The following NLRC5 variants were observed in gnomAD, a reference collection of about 807,000 sequenced individuals.
NLRC5 encodes the protein NLR family CARD domain containing 5.
Under a neutral mutation model 206.9 loss-of-function variants are expected in NLRC5, and 114 were observed. That is an observed-to-expected ratio of 0.55 (90% CI 0.47 to 0.64). The LOEUF is 0.64. Among genes scored for constraint, NLRC5 ranks in the 30% least tolerant of loss-of-function variants. NLRC5 has a pLI of 0.00. For missense variants in NLRC5, 2,008 were observed against 2,305.5 expected (o/e 0.87, Z 2.64); for synonymous variants, 952 against 962.8 (o/e 0.99, Z 0.21).
chr16:57,000,274 C>A (rs1428348599), intron 1 of NLRC5, among the ~76,000 whole-genome samples: 1 of 152,134 alleles, frequency 6.6e-6, no homozygotes. Context: ...AGTAGGGCAC[C>A]CCAGTCCTGG....
chr16:57,066,455 G>A, intron 33 of NLRC5, 79 bp from the exon 34 acceptor site: 1 of 1,234,878 alleles, frequency 8.1e-7, no homozygotes, highest in Admixed American at 1.7e-5. Context: ...TTCAGAGTTG[G>A]AGCCGGGCAG....
intron 33 of NLRC5, 130 bp downstream of exon 33, chr16:57,065,428 C>G: frequency 1.9e-6 from 1 of 535,324 alleles, no homozygotes; most frequent in Admixed American, 4.1e-5. Context: ...CCCAGGGTAG[C>G]AGGAGCTCCT....
rs1395303643 is a variant in NLRC5 at position 57,074,609 on chromosome 16, CCTT to C, written c.4680_4682del (p.Leu1562del). The C allele has an allele frequency of 6.2e-7, 1 of 1,613,836 alleles. No homozygotes were observed. Among genetic ancestry groups the C allele is most frequent in the African/African-American group, 1.3e-5 (1 of 74,930 alleles). The stretch of plus-strand genomic sequence containing the variant: ...GCCTCCTCTTCTCCAGCCTCAGTCA[CCTT>C]CTGCTGAACAGCTCCACCTTGGCCT... On this transcript the variant is annotated inframe_deletion, in exon 39 of 49. Coordinates refer to ENST00000688547, the MANE Select transcript of NLRC5 (RefSeq NM_001384950.1).
At chr16:56,994,131 A>G (rs544989105) in intron 1 of NLRC5, among the ~76,000 whole-genome samples, 8 of 144,908 alleles carry the variant, frequency 5.5e-5, no homozygotes, top group Non-Finnish European at 7.6e-5. Flanking sequence ...TTGGGTGGGA[A>G]GAGAGTGCTT....
At chr16:57,041,085 C>CA (rs147590262) in intron 17 of NLRC5, among the ~76,000 whole-genome samples, 1 of 152,302 alleles carries the variant, frequency 6.6e-6, no homozygotes, top group African/African-American at 2.4e-5. Context: ...CACTCTTCCC[C>CA]CCTTCTCTCT....
chr16:57,014,007 T>C, intron 1 of NLRC5: 1 of 355,968 alleles, frequency 2.8e-6, no homozygotes, highest in Middle Eastern at 1.0e-3. Context: ...TGTACCAGTT[T>C]CTTGACAGAT....
At chr16:57,027,924 T>C (rs2143003144) in intron 6 of NLRC5, 148 bp from the exon 7 acceptor site, 1 of 548,686 alleles carries the variant, frequency 1.8e-6, no homozygotes, top group South Asian at 2.8e-5. Flanking sequence ...AAGTGGAGAA[T>C]GGGCTTTGGT....
intron 8 of NLRC5, among the ~76,000 whole-genome samples, chr16:57,028,712 A>G (rs1320014661): frequency 6.6e-6 from 1 of 152,216 alleles, no homozygotes; most frequent in East Asian, 1.9e-4. Context: ...ACACATAACT[A>G]CATGAAGCAC....
At position 57,058,093 on chromosome 16, in the gene NLRC5, G is replaced by A. The variant is rs144677515; in HGVS notation, c.3775G>A (p.Gly1259Arg). 26 of 1,612,444 alleles carry A rather than the reference G, an allele frequency of 1.6e-5. No homozygotes were observed. The highest frequency in any genetic ancestry group is 8.0e-5 in the African/African-American group (6 of 74,878). ...DLSANLLGDS[G>R]LRCLLECLPQ... ...CTCAGCAAACCTGCTGGGCGACAGC[G>A]GACTCAGATGCCTTCTGGAATGTCT... Residue 1259 changes from glycine to arginine, a missense_variant, in exon 28 of 49, where the codon GGA (glycine) becomes AGA (arginine). Physicochemically the swap from Gly to Arg is moderately radical, Grantham distance 125. Coordinates refer to ENST00000688547, the MANE Select transcript of NLRC5 (RefSeq NM_001384950.1).
At chr16:57,061,758 G>A in intron 32 of NLRC5, 57 bp downstream of exon 32, 5 of 1,574,558 alleles carry the variant, frequency 3.2e-6, no homozygotes, top group Non-Finnish European at 4.3e-6. Context: ...GAGCAGGGGT[G>A]GGCACTGGAG....
chr16:57,029,924 C>T, intron 9 of NLRC5, 68 bp downstream of exon 9: 1 of 1,607,508 alleles, frequency 6.2e-7, no homozygotes, highest in Non-Finnish European at 8.5e-7. Context: ...CACTCCCTTG[C>T]AAGGCAAGGA....
intron 15 of NLRC5, among the ~76,000 whole-genome samples, chr16:57,039,181 A>C (rs1478852696): frequency 6.6e-6 from 1 of 152,230 alleles, no homozygotes; most frequent in South Asian, 2.1e-4. Flanking sequence ...TTGAGCACAG[A>C]CAGAACACTG....
chr16:57,010,884 A>T (rs2142581197), intron 1 of NLRC5, among the ~76,000 whole-genome samples: 1 of 150,816 alleles, frequency 6.6e-6, no homozygotes, highest in African/African-American at 2.4e-5. Flanking sequence ...TTTAATGTAA[A>T]TGTTCTTGTG....
chr16:57,054,987 G>A (rs2065420117), intron 25 of NLRC5, 45 bp from the exon 26 acceptor site: 1 of 1,612,364 alleles, frequency 6.2e-7, no homozygotes, highest in Non-Finnish European at 8.5e-7. Flanking sequence ...GGGGCATCCT[G>A]AGGCTGTGGC....
At chr16:57,047,727 G>C (rs531318454) in intron 23 of NLRC5, 99 bp downstream of exon 23, 3 of 1,035,926 alleles carry the variant, frequency 2.9e-6, no homozygotes, top group Non-Finnish European at 2.9e-6. Context: ...AGTCTTTCTC[G>C]ATTTCTTCCC....
At chr16:57,053,614 C>T (rs1477433022) in intron 24 of NLRC5, among the ~76,000 whole-genome samples, 1 of 152,120 alleles carries the variant, frequency 6.6e-6, no homozygotes, top group Non-Finnish European at 1.5e-5. Flanking sequence ...CTGCAACCTC[C>T]GCCTCCCAGG....
In NLRC5 at chr16:57,055,114, G is replaced by C. The variant is rs201790586; in HGVS notation, c.3659+20G>C. 9.3e-6 allele frequency: 15 copies of C among 1,613,850 alleles called. No individual in the cohort carries two copies. The Admixed American group carries it at 2.3e-4, about 25-fold the overall frequency. On this transcript the variant is annotated intron_variant, in intron 26 of 48. Transcript: ENST00000688547. ...CTGTGGGTAAGCCCCCTTGAACCAT[G>C]CCTAGGCAGCTAGTTGATGTTGGGG...
chr16:57,046,964 A>G (rs1178329712), intron 22 of NLRC5, among the ~76,000 whole-genome samples: 4 of 152,178 alleles, frequency 2.6e-5, no homozygotes, highest in Non-Finnish European at 4.4e-5. Flanking sequence ...TTCCAGAAAG[A>G]AAGGGGTTGG....
intron 1 of NLRC5, chr16:56,991,886 C>A (rs1251717459): frequency 6.6e-6 from 1 of 152,106 alleles, no homozygotes; most frequent in Non-Finnish European, 1.5e-5. Flanking sequence ...ACCCTCGGCG[C>A]CTCCTAACGT....
Sources: gnomAD v4.1 joint callset for allele counts (sites outside exome capture counted in the v4.1 genomes callset) on GRCh38, gnomAD v4.1.1 for gene constraint, MANE v1.5 for transcripts, NCBI Gene and HGNC (gene_info 2026-07-23, HGNC 2026-07-21) for gene names.